Variants in ANK3 observed in about 807,000 individuals in gnomAD.
The protein encoded by ANK3 is ankyrin 3.
ANK3 carries 57 observed loss-of-function variants against 370.9 expected under a neutral mutation model. The ratio of observed to expected loss-of-function variants is 0.15; its 90% CI spans 0.12 to 0.19. ANK3 has a LOEUF of 0.19. Among genes scored for constraint, ANK3 ranks in the 10% least tolerant of loss-of-function variants. The probability of loss-of-function intolerance (pLI) is 1.00; values close to 1 mark genes in which losing one functional copy is unlikely to be tolerated. For synonymous variants in ANK3, 1,929 were observed against 1,946.3 expected, an observed-to-expected ratio of 0.99 and a Z score of 0.23; for missense variants, 4,439 against 5,302.1, an observed-to-expected ratio of 0.84 and a Z score of 5.06.
At chr10:60,437,484 A>G (rs2064187638) in intron 2 of ANK3, among the ~76,000 whole-genome samples, 1 of 152,350 alleles carries the variant, frequency 6.6e-6, no homozygotes, top group Middle Eastern at 3.4e-3. Flanking sequence ...AGAGTTACAG[A>G]GACAGGGACT....
chr10:60,397,095 C>T (rs1471796970), intron 2 of ANK3, among the ~76,000 whole-genome samples: 1 of 151,760 alleles, frequency 6.6e-6, no homozygotes, highest in Non-Finnish European at 1.5e-5. Context: ...TTTGCTGACT[C>T]TGTGTAGGAG....
At position 60,069,289 on chromosome 10, in the gene ANK3, T is replaced by C; in HGVS notation, c.11592A>G (p.Lys3864=). ...TTGGTGAAGTGGCCTTTATGGGAAG[T>C]TTGGATTTTTGCCTAATCCCTATCA... ...KELIGIRQKS[K]LPIKATSPKD... The change falls in exon 37 of 44, where the codon AAA becomes AAG. Residue 3864 remains lysine, a synonymous_variant. Coordinates refer to ENST00000280772, the MANE Select transcript of ANK3 (RefSeq NM_020987.5). 6.2e-7 allele frequency: 1 copy of C among 1,614,152 alleles called. No individual in the cohort carries two copies. Among genetic ancestry groups the C allele is most frequent in the Non-Finnish European group, 8.5e-7 (1 of 1,180,020 alleles).
chr10:60,672,173 C>A (rs1006202937), intron 1 of ANK3, among the ~76,000 whole-genome samples: 1 of 152,208 alleles, frequency 6.6e-6, no homozygotes, highest in Non-Finnish European at 1.5e-5. Flanking sequence ...GCTCCTAAAA[C>A]CCTTGTAATT....
chr10:60,083,925 T>A, intron 32 of ANK3: 1 of 141,630 alleles, frequency 7.1e-6, no homozygotes. Flanking sequence ...TTTGAAAGCT[T>A]TTTTTTTTTT....
chr10:60,499,397 T>C (rs996960274), intron 2 of ANK3, among the ~76,000 whole-genome samples: 5 of 152,190 alleles, frequency 3.3e-5, no homozygotes, highest in African/African-American at 4.8e-5. Context: ...TTATAATACA[T>C]ATTTTTATAA....
At chr10:60,582,671 T>C (rs1302254527) in intron 2 of ANK3, among the ~76,000 whole-genome samples, 1 of 149,004 alleles carries the variant, frequency 6.7e-6, no homozygotes, top group East Asian at 1.9e-4. Flanking sequence ...TAATATATTA[T>C]ATAAAATATA....
intron 1 of ANK3, among the ~76,000 whole-genome samples, chr10:60,347,740 C>T (rs185539106): frequency 6.6e-6 from 1 of 152,212 alleles, no homozygotes; most frequent in African/African-American, 2.4e-5. Context: ...TACCTTAAAT[C>T]AATGGTTGCA....
chr10:60,568,971 C>T (rs2077526963), intron 2 of ANK3, among the ~76,000 whole-genome samples: 1 of 152,152 alleles, frequency 6.6e-6, no homozygotes, highest in Non-Finnish European at 1.5e-5. Flanking sequence ...ACTAACCATG[C>T]TGACACCCTA....
chr10:60,632,396 GA>G (rs368715875), intron 1 of ANK3, among the ~76,000 whole-genome samples: 38 of 145,930 alleles, frequency 2.6e-4, no homozygotes, highest in South Asian at 2.2e-3. Flanking sequence ...TTAGCAAAAA[GA>G]AAAAAAAAAC....
At chr10:60,212,846 C>T (rs2096877928) in intron 9 of ANK3, among the ~76,000 whole-genome samples, 1 of 151,986 alleles carries the variant, frequency 6.6e-6, no homozygotes, top group Non-Finnish European at 1.5e-5. Context: ...TTCTCCTCTT[C>T]AAATGATGTC....
intron 2 of ANK3, among the ~76,000 whole-genome samples, chr10:60,584,419 G>T (rs2077801023): frequency 6.7e-6 from 1 of 149,398 alleles, no homozygotes; most frequent in Non-Finnish European, 1.5e-5. Flanking sequence ...AGGGGTTCAA[G>T]GACAGCCGAG....
At position 60,082,597 on chromosome 10, in the gene ANK3, A is replaced by T; in HGVS notation, c.4323+18T>A. ...TCAAGACCAGGGAAAGACAATTTAA[A>T]GCAGTATTAAAAGATACCTTTTTAT... On this transcript the variant is annotated intron_variant, in intron 34 of 43. Transcript: ENST00000280772. The T allele has an allele frequency of 1.1e-5, 18 of 1,609,886 alleles. No homozygotes were observed. Among genetic ancestry groups the T allele is most frequent in the Non-Finnish European group, 1.5e-5 (18 of 1,178,952 alleles).
At chr10:60,331,538 G>T (rs2051301753) in intron 1 of ANK3, among the ~76,000 whole-genome samples, 1 of 149,924 alleles carries the variant, frequency 6.7e-6, no homozygotes, top group Non-Finnish European at 1.5e-5. Context: ...ATAATTTGGA[G>T]GAAACCCCCC....
At chr10:60,208,717 C>T (rs2096800990) in intron 9 of ANK3, among the ~76,000 whole-genome samples, 1 of 152,138 alleles carries the variant, frequency 6.6e-6, no homozygotes, top group South Asian at 2.1e-4. Flanking sequence ...CAGTGGTATT[C>T]ATTGGACTGG....
chr10:60,432,997 C>G (rs904948072), intron 2 of ANK3, among the ~76,000 whole-genome samples: 34 of 152,118 alleles, frequency 2.2e-4, no homozygotes, highest in Non-Finnish European at 4.7e-4. Flanking sequence ...CGATAGAGTC[C>G]CTTTGAGACC....
At chr10:60,260,878 T>C (rs1377750993) in intron 7 of ANK3, among the ~76,000 whole-genome samples, 1 of 152,118 alleles carries the variant, frequency 6.6e-6, no homozygotes, top group Non-Finnish European at 1.5e-5. Flanking sequence ...AGGAGCCAAC[T>C]GAACCTCTAT....
intron 1 of ANK3, among the ~76,000 whole-genome samples, chr10:60,634,947 G>A (rs142930008): frequency 1.3e-5 from 2 of 152,222 alleles, no homozygotes; most frequent in East Asian, 1.9e-4. Flanking sequence ...AACAAACTCC[G>A]CACACACCAT....
intron 2 of ANK3, among the ~76,000 whole-genome samples, chr10:60,531,432 T>C (rs2076603531): frequency 6.6e-6 from 1 of 152,116 alleles, no homozygotes; most frequent in African/African-American, 2.4e-5. Context: ...CAATTAACTG[T>C]AATATTAGTT....
At chr10:60,501,879 G>C (rs982480830) in intron 2 of ANK3, among the ~76,000 whole-genome samples, 3 of 152,102 alleles carry the variant, frequency 2.0e-5, no homozygotes, top group African/African-American at 7.2e-5. Context: ...CTAGCTACTG[G>C]GGAGGCTGAG....
Sources: gnomAD v4.1 joint callset for allele counts (sites outside exome capture counted in the v4.1 genomes callset) on GRCh38, gnomAD v4.1.1 for gene constraint, MANE v1.5 for transcripts, NCBI Gene and HGNC (gene_info 2026-07-23, HGNC 2026-07-21) for gene names.